GUCY1A1: variants seen among roughly 807,000 people sequenced by gnomAD.
GUCY1A1 encodes the protein guanylate cyclase soluble subunit alpha-1.
In GUCY1A1, 48 loss-of-function variants were observed where a neutral mutation model predicts 64.5. The ratio of observed to expected loss-of-function variants is 0.74; its 90% CI spans 0.59 to 0.95. GUCY1A1 has a LOEUF of 0.95. GUCY1A1 is among the 40% of genes least tolerant of loss of function. The pLI, the probability that GUCY1A1 is intolerant of heterozygous loss-of-function variation, is 0.00. For missense variants in GUCY1A1, 804 were observed against 825.3 expected, an observed-to-expected ratio of 0.97 and a Z score of 0.32; for synonymous variants, 308 against 303.4, an observed-to-expected ratio of 1.02 and a Z score of -0.16.
intron 5 of GUCY1A1, among the ~76,000 whole-genome samples, chr4:155,709,891 T>C (rs7690008): frequency 0.52 from 78,284 of 151,948 alleles, 22,519 homozygotes; most frequent in East Asian, 0.73. Flanking sequence ...GCTTTTATGA[T>C]AAAAAATAAT....
rs1732810848 is a variant in GUCY1A1, at chr4:155,713,231, A to G, written c.1220A>G (p.Asn407Ser). 1 of 1,613,970 alleles carries G rather than the reference A, an allele frequency of 6.2e-7. No homozygotes were observed. The highest frequency in any genetic ancestry group is 1.3e-5 in the African/African-American group (1 of 74,932). ...TACCTCTCAGACATCCCAATTCACA[A>G]TGCACTGAGGGATGTGGTCTTAATA... is the stretch of plus-strand genomic sequence containing the variant. Reference protein sequence around the residue: ...GLYLSDIPIHNALRDVVLIGE... With the variant: ...GLYLSDIPIHSALRDVVLIGE... Residue 407 changes from asparagine (N) to serine (S), a missense_variant, in exon 7 of 10, where the codon AAT becomes AGT. Coordinates refer to ENST00000506455, the MANE Select transcript of GUCY1A1 (RefSeq NM_001130682.3).
intron 2 of GUCY1A1, among the ~76,000 whole-genome samples, chr4:155,676,181 C>T (rs996928824): frequency 1.3e-5 from 2 of 150,916 alleles, no homozygotes; most frequent in African/African-American, 2.5e-5. Flanking sequence ...CTGAAAGGCT[C>T]AGTATGTGGG....
rs928265268 is a variant in GUCY1A1 at position 155,734,185 on chromosome 4, G to A, written c.*3954G>A. 3.3e-5 allele frequency among the ~76,000 whole-genome samples: 5 copies of A among 151,924 alleles called. No individual in the cohort carries two copies. The highest frequency in any genetic ancestry group is 5.9e-5 in the Non-Finnish European group (4 of 67,926). On this transcript the variant is annotated 3_prime_UTR_variant, in exon 10 of 10. Coordinates refer to ENST00000506455, the MANE Select transcript of GUCY1A1 (RefSeq NM_001130682.3). ...TGTGGTAGGCCTAGCAAATGAAAGAGATGAATAAACAAGAGTGTCTAGTCT... is the reference window on the plus strand; with the variant it reads ...TGTGGTAGGCCTAGCAAATGAAAGAAATGAATAAACAAGAGTGTCTAGTCT...
intron 2 of GUCY1A1, among the ~76,000 whole-genome samples, chr4:155,671,773 A>G (rs959771431): frequency 6.6e-6 from 1 of 152,120 alleles, no homozygotes; most frequent in Non-Finnish European, 1.5e-5. Context: ...TTTATAGAAA[A>G]TGCTTTTACA....
chr4:155,728,881 T>C (rs1206758917), intron 9 of GUCY1A1, among the ~76,000 whole-genome samples: 1 of 151,924 alleles, frequency 6.6e-6, no homozygotes, highest in African/African-American at 2.4e-5. Context: ...ATACTTTTAA[T>C]ACTGTCTAAT....
At chr4:155,677,152 A>G (rs1023506010) in intron 2 of GUCY1A1, among the ~76,000 whole-genome samples, 1 of 152,182 alleles carries the variant, frequency 6.6e-6, no homozygotes, top group Non-Finnish European at 1.5e-5. Context: ...CCTAATAAAT[A>G]TTTTTGGCAT....
chr4:155,702,276 G>A (rs1049105753), intron 3 of GUCY1A1, among the ~76,000 whole-genome samples: 6 of 152,112 alleles, frequency 3.9e-5, no homozygotes, highest in Non-Finnish European at 7.4e-5. Flanking sequence ...AATGTATTTT[G>A]CAGGAACAAA....
intron 9 of GUCY1A1, among the ~76,000 whole-genome samples, chr4:155,728,020 C>T (rs1032372766): frequency 1.3e-5 from 2 of 151,844 alleles, no homozygotes; most frequent in African/African-American, 4.8e-5. Flanking sequence ...GCAGGAATAT[C>T]ACTTTCATTT....
intron 7 of GUCY1A1, 60 bp from the exon 8 acceptor site, chr4:155,717,099 A>T: frequency 8.5e-7 from 1 of 1,180,148 alleles, no homozygotes; most frequent in Non-Finnish European, 1.2e-6. Flanking sequence ...CTTCTATCCG[A>T]TGTAGGCTGT....
chr4:155,710,524 T>C lies in GUCY1A1; in HGVS notation c.377-18T>C. On this transcript the variant is annotated intron_variant, in intron 5 of 9. Transcript: ENST00000506455. ...GTGGCATATTTGATATGGCAGAACA[T>C]GTATTATGTGATTTCAGGAGTTCCA... 2.2e-6 allele frequency: 3 copies of C among 1,367,576 alleles called. No homozygotes were observed. The highest frequency in any genetic ancestry group is 1.4e-5 in the African/African-American group (1 of 69,378). 84.7% of individuals were successfully genotyped at this position (1,367,576 alleles called of 1,614,324 possible).
At chr4:155,703,853 A>G (rs1731399960) in intron 3 of GUCY1A1, 79 bp from the exon 4 acceptor site, 3 of 816,076 alleles carry the variant, frequency 3.7e-6, no homozygotes, top group African/African-American at 1.8e-5. Context: ...ATAAATCTTC[A>G]GGATGCATTT....
chr4:155,720,567 C>A (rs1733844210), intron 8 of GUCY1A1, among the ~76,000 whole-genome samples: 1 of 152,108 alleles, frequency 6.6e-6, no homozygotes, highest in Non-Finnish European at 1.5e-5. Flanking sequence ...AGCCAGACTA[C>A]CAGTTACTAG....
chr4:155,692,397 T>C (rs1246560652), intron 2 of GUCY1A1, among the ~76,000 whole-genome samples: 1 of 152,202 alleles, frequency 6.6e-6, no homozygotes, highest in Non-Finnish European at 1.5e-5. Context: ...CTGAAGTAAT[T>C]TACACTCCCA....
In GUCY1A1 at chr4:155,708,248, AAG is replaced by A. The variant is rs781020381; in HGVS notation, c.334_335del (p.Glu112ArgfsTer3). 3.3e-5 allele frequency: 50 copies of A among 1,508,022 alleles called. No individual in the cohort carries two copies. In the Admixed American group the frequency reaches 5.7e-4, roughly 17 times the overall value. 93.4% of individuals were successfully genotyped at this position (1,508,022 alleles called of 1,614,324 possible). ...GAAATATTTCCAGGAAATCTTTGGA[AAG>A]AGAAGACTTTGAAAAAACAATTGCA... The part of the protein sequence containing the change: ...KIKESRKSLE[R>X]EDFEKTIAEQ... On this transcript the variant is annotated frameshift_variant, in exon 5 of 10. Transcript: ENST00000506455. LOFTEE classifies it high-confidence loss of function.
Position 155,718,932 on chromosome 4 carries a change from G to A in GUCY1A1, c.1716+1630G>A, listed in dbSNP as rs144759441. ...ATCTGACTTTTTCAGATTTATTTTC[G>A]ATAATTGCATTTTTTTAGAGGAGGA... On this transcript the variant is annotated intron_variant, in intron 8 of 9. Coordinates refer to ENST00000506455, the MANE Select transcript of GUCY1A1 (RefSeq NM_001130682.3). Among the ~76,000 whole-genome samples the A allele has an allele frequency of 2.1e-3, 318 of 152,182 alleles. 4 individuals carry two copies. The South Asian group carries it at 0.025, about 12-fold the overall frequency.
chr4:155,730,142 C>T lies in GUCY1A1; in HGVS notation c.1984C>T (p.Gln662Ter). ...GICHFLDAYQ[Q>*]GTNSKPCFQK... ...CTGCCATTTTCTGGATGCTTACCAA[C>T]AAGGAACAAACTCAAAACCATGCTT... The change falls in exon 10 of 10, where the codon CAA becomes TAA. Residue 662 changes from glutamine to a stop codon, truncating the protein, a stop_gained. Transcript: ENST00000506455. LOFTEE classifies it high-confidence loss of function. The T allele has an allele frequency of 6.2e-7, 1 of 1,611,720 alleles. No homozygotes were observed. Among genetic ancestry groups the T allele is most frequent in the Non-Finnish European group, 8.5e-7 (1 of 1,178,310 alleles).
intron 3 of GUCY1A1, among the ~76,000 whole-genome samples, chr4:155,698,996 C>T (rs1172158223): frequency 2.0e-5 from 3 of 152,108 alleles, no homozygotes; most frequent in Admixed American, 2.0e-4. Context: ...TTATAACCCA[C>T]TAAATTTCAT....
intron 3 of GUCY1A1, among the ~76,000 whole-genome samples, chr4:155,703,334 A>G (rs924791115): frequency 1.3e-5 from 2 of 152,220 alleles, no homozygotes; most frequent in African/African-American, 4.8e-5. Flanking sequence ...ATAAATGATC[A>G]ACTAACTTTG....
intron 2 of GUCY1A1, among the ~76,000 whole-genome samples, chr4:155,692,760 T>C (rs1729916201): frequency 6.6e-6 from 1 of 152,204 alleles, no homozygotes; most frequent in Non-Finnish European, 1.5e-5. Context: ...AAGATGTTCA[T>C]GCCTAATTGA....
Sources: allele counts gnomAD v4.1 joint callset (sites outside exome capture counted in the v4.1 genomes callset), GRCh38; gene constraint gnomAD v4.1.1; transcripts MANE v1.5; gene names NCBI Gene and HGNC (gene_info 2026-07-23, HGNC 2026-07-21).